Variants in SDAD1 observed in about 807,000 individuals in gnomAD.
SDAD1 encodes the protein protein SDA1 homolog.
A neutral mutation model predicts 100.3 loss-of-function variants in SDAD1; 79 were observed. The ratio of observed to expected loss-of-function variants is 0.79; its 90% CI spans 0.66 to 0.95. The LOEUF (loss-of-function observed/expected upper bound fraction) is 0.95. Among genes scored for constraint, SDAD1 ranks in the 40% least tolerant of loss-of-function variants. The pLI, the probability that SDAD1 is intolerant of heterozygous loss-of-function variation, is 0.00. For missense variants in SDAD1, 790 were observed against 810.9 expected (o/e 0.97, Z 0.31); for synonymous variants, 267 against 271.4 (o/e 0.98, Z 0.16).
intron 13 of SDAD1, among the ~76,000 whole-genome samples, chr4:75,965,157 C>G (rs1242619574): frequency 2.0e-5 from 3 of 152,092 alleles, no homozygotes; most frequent in African/African-American, 7.2e-5. Context: ...GAATGTGTTC[C>G]TAGAGGTAGG....
intron 6 of SDAD1, 102 bp from the exon 7 acceptor site, chr4:75,974,235 G>A (rs976155039): frequency 3.4e-5 from 31 of 912,596 alleles, no homozygotes; most frequent in African/African-American, 1.6e-4. Context: ...TGTTTGTGAC[G>A]TACTAGAATT....
At chr4:75,953,105 A>G (rs1433647819) in intron 21 of SDAD1, among the ~76,000 whole-genome samples, 1 of 152,224 alleles carries the variant, frequency 6.6e-6, no homozygotes, top group African/African-American at 2.4e-5. Context: ...ATTCTGATTA[A>G]TATCAGGTTC....
chr4:75,978,133 T>C (rs1358365083), intron 3 of SDAD1, among the ~76,000 whole-genome samples: 3 of 152,016 alleles, frequency 2.0e-5, no homozygotes, highest in East Asian at 1.9e-4. Flanking sequence ...ATACACTAAA[T>C]TGGAATAATC....
chr4:75,990,484 A>T (rs1043216583), intron 1 of SDAD1, among the ~76,000 whole-genome samples: 1 of 152,212 alleles, frequency 6.6e-6, no homozygotes, highest in African/African-American at 2.4e-5. Flanking sequence ...ACGAAGAAAA[A>T]TATCTTAAAA....
At chr4:75,979,568 G>A (rs1240875969) in intron 3 of SDAD1, among the ~76,000 whole-genome samples, 1 of 151,494 alleles carries the variant, frequency 6.6e-6, no homozygotes, top group East Asian at 1.9e-4. Flanking sequence ...CAATTCTCCT[G>A]ACTGAGCCTC....
At chr4:75,964,942 T>C (rs746557116) in intron 13 of SDAD1, among the ~76,000 whole-genome samples, 1 of 152,134 alleles carries the variant, frequency 6.6e-6, no homozygotes, top group Non-Finnish European at 1.5e-5. Context: ...GTGATGATTG[T>C]GTTAACTGCA....
chr4:75,971,747 C>G (rs925138235), intron 8 of SDAD1, among the ~76,000 whole-genome samples: 2 of 152,004 alleles, frequency 1.3e-5, no homozygotes, highest in African/African-American at 4.8e-5. Context: ...TGGTGCACAC[C>G]TGTAATCCCA....
intron 1 of SDAD1, among the ~76,000 whole-genome samples, chr4:75,990,302 C>CCAGG: frequency 7.0e-6 from 1 of 142,830 alleles, no homozygotes; most frequent in African/African-American, 2.5e-5. Context: ...CTGGCACAGT[C>CCAGG]CAGGGTACAC....
chr4:75,957,997 AGTTGAG>A, intron 17 of SDAD1, 56 bp from the exon 18 acceptor site: 2 of 1,399,078 alleles, frequency 1.4e-6, no homozygotes, highest in Non-Finnish European at 2.0e-6. Flanking sequence ...TTCAACATAA[AGTTGAG>A]ATGAAGCAAG....
intron 10 of SDAD1, 25 bp downstream of exon 10, chr4:75,970,284 G>A (rs1729789619): frequency 2.5e-6 from 4 of 1,594,272 alleles, no homozygotes; most frequent in Non-Finnish European, 3.4e-6. Context: ...GGCCAACAAG[G>A]AACTCGGACG....
At chr4:75,980,044 C>A (rs897730636) in intron 3 of SDAD1, among the ~76,000 whole-genome samples, 15 of 152,078 alleles carry the variant, frequency 9.9e-5, no homozygotes, top group Non-Finnish European at 2.1e-4. Flanking sequence ...TGGGGTACTG[C>A]CAGGAAAATA....
intron 14 of SDAD1, 68 bp downstream of exon 14, chr4:75,964,067 T>C (rs769486662): frequency 6.4e-5 from 66 of 1,028,140 alleles, no homozygotes; most frequent in Non-Finnish European, 9.1e-5. Flanking sequence ...ATCTTACATC[T>C]TGGTAACTTA....
chr4:75,956,156 G>T lies in SDAD1; in HGVS notation c.1855-20C>A. On this transcript the variant is annotated intron_variant, in intron 20 of 21. Coordinates refer to ENST00000356260, the MANE Select transcript of SDAD1 (RefSeq NM_018115.4). The stretch of plus-strand genomic sequence containing the variant: ...TCCAGCCTACCAGAACAAAAAGTTT[G>T]ATATTTCTTCTTCAACAACATACTT... The T allele has an allele frequency of 6.3e-7, 1 of 1,585,800 alleles. No homozygotes were observed. The highest frequency in any genetic ancestry group is 1.2e-5 in the South Asian group (1 of 84,986).
chr4:75,970,247 G>C, intron 10 of SDAD1, 62 bp downstream of exon 10: 1 of 1,363,188 alleles, frequency 7.3e-7, no homozygotes, highest in Non-Finnish European at 1.0e-6. Context: ...AAACCCCAAA[G>C]GCAGGAAATA....
chr4:75,958,550 C>T (rs1272322488), intron 17 of SDAD1, among the ~76,000 whole-genome samples: 1 of 152,158 alleles, frequency 6.6e-6, no homozygotes, highest in African/African-American at 2.4e-5. Context: ...CTTTCCATGA[C>T]TCCCTATGAT....
chr4:75,977,014 C>T (rs1730193399), intron 4 of SDAD1, among the ~76,000 whole-genome samples: 1 of 152,110 alleles, frequency 6.6e-6, no homozygotes, highest in Non-Finnish European at 1.5e-5. Flanking sequence ...TGGTCTCAAA[C>T]TCCTGGACTC....
At chr4:75,969,168 CT>C (rs1331387280) in intron 11 of SDAD1, 127 bp downstream of exon 11, 1 of 518,712 alleles carries the variant, frequency 1.9e-6, no homozygotes, top group East Asian at 3.2e-5. Context: ...TGTTACTCTT[CT>C]GTAAATTTTA....
intron 11 of SDAD1, among the ~76,000 whole-genome samples, chr4:75,967,876 G>A (rs1390273176): frequency 1.5e-5 from 2 of 129,040 alleles, no homozygotes; most frequent in Non-Finnish European, 1.7e-5. Context: ...GAGGGAAAAC[G>A]TTAACACTCT....
intron 21 of SDAD1, among the ~76,000 whole-genome samples, chr4:75,953,053 G>A (rs1229883339): frequency 2.6e-5 from 4 of 152,148 alleles, no homozygotes; most frequent in Non-Finnish European, 4.4e-5. Flanking sequence ...TTATAATGAA[G>A]AGATCTTGAA....
Sources: allele counts gnomAD v4.1 joint callset (sites outside exome capture counted in the v4.1 genomes callset), GRCh38; gene constraint gnomAD v4.1.1; transcripts MANE v1.5; gene names NCBI Gene and HGNC (gene_info 2026-07-23, HGNC 2026-07-21).